TLK2: variants seen among roughly 807,000 people sequenced by gnomAD.
TLK2 encodes the protein serine/threonine-protein kinase tousled-like 2.
In TLK2, 6 loss-of-function variants were observed where a neutral mutation model predicts 117.3. The observed-to-expected ratio is 0.05, with a 90% confidence interval of 0.03 to 0.10. The LOEUF (loss-of-function observed/expected upper bound fraction) is 0.10. Among genes scored for constraint, TLK2 ranks in the 10% least tolerant of loss-of-function variants. TLK2 has a pLI of 1.00. For synonymous variants in TLK2, 257 were observed against 316.7 expected, an observed-to-expected ratio of 0.81 and a Z score of 2.00; for missense variants, 299 against 901.2, an observed-to-expected ratio of 0.33 and a Z score of 8.56.
Position 62,612,377 on chromosome 17 carries a change from A to C in TLK2, c.2080-15A>C, listed in dbSNP as rs778821859. ...AGACTATCTGCCTCTGTCTTCAAGA[A>C]ACTCTCCTTTGCAGGCGTTTATTCG... On this transcript the variant is annotated splice_polypyrimidine_tract_variant and intron_variant, in intron 21 of 21. Coordinates refer to ENST00000346027, the MANE Select transcript of TLK2 (RefSeq NM_006852.6). 3.2e-5 allele frequency: 51 copies of C among 1,610,366 alleles called. No individual in the cohort carries two copies. The highest frequency in any genetic ancestry group is 4.1e-5 in the Non-Finnish European group (48 of 1,177,996).
intron 9 of TLK2, among the ~76,000 whole-genome samples, chr17:62,556,578 T>TTC (rs976298067): frequency 6.6e-6 from 1 of 152,146 alleles, no homozygotes; most frequent in Admixed American, 6.5e-5. Flanking sequence ...ATAACACGCA[T>TTC]TCTCTCTCTC....
At chr17:62,474,718 G>C (rs12943360), upstream of TLK2, among the ~76,000 whole-genome samples, 1 of 151,934 alleles carries the variant, frequency 6.6e-6, no homozygotes, top group Non-Finnish European at 1.5e-5. Context: ...CTAGAAGACG[G>C]AAGTTTGCAT....
intron 8 of TLK2, chr17:62,553,381 G>T: frequency 8.6e-6 from 2 of 233,524 alleles, no homozygotes; most frequent in Non-Finnish European, 8.3e-6. Context: ...CTGGAGTAAC[G>T]TGTTTCTACA....
At chr17:62,607,940 A>C in intron 20 of TLK2, 101 bp from the exon 21 acceptor site, 1 of 963,602 alleles carries the variant, frequency 1.0e-6, no homozygotes, top group South Asian at 1.7e-5. Flanking sequence ...AGCAATTCAA[A>C]TTAGAAGATG....
At chr17:62,552,559 T>G (rs1567905351) in intron 8 of TLK2, among the ~76,000 whole-genome samples, 162 bp downstream of exon 8, 1 of 152,214 alleles carries the variant, frequency 6.6e-6, no homozygotes, top group African/African-American at 2.4e-5. Context: ...GTATTTAAAG[T>G]CCTTTGGAAG....
chr17:62,543,427 C>T (rs2077683824), intron 7 of TLK2, among the ~76,000 whole-genome samples: 1 of 152,198 alleles, frequency 6.6e-6, no homozygotes, highest in African/African-American at 2.4e-5. Context: ...CCAGACTCTT[C>T]CACAGCAGCT....
chr17:62,574,994 GT>G (rs2080662210), intron 12 of TLK2, among the ~76,000 whole-genome samples: 1 of 152,124 alleles, frequency 6.6e-6, no homozygotes, highest in African/African-American at 2.4e-5. Flanking sequence ...TCTGACCAAT[GT>G]TTTCTTTCAT....
intron 2 of TLK2, among the ~76,000 whole-genome samples, chr17:62,512,267 G>T (rs1227548481): frequency 1.6e-5 from 2 of 126,540 alleles, no homozygotes; most frequent in Non-Finnish European, 3.1e-5. Context: ...TATTGCCCAG[G>T]CTGGAGTACA....
At chr17:62,558,437 A>G (rs544969685) in intron 9 of TLK2, among the ~76,000 whole-genome samples, 128 of 152,324 alleles carry the variant, frequency 8.4e-4, no homozygotes, top group African/African-American at 3.0e-3. Context: ...TGCTGGGATT[A>G]TAGGCATGAG....
intron 6 of TLK2, among the ~76,000 whole-genome samples, chr17:62,535,428 G>A (rs1366946964): frequency 7.9e-5 from 12 of 152,092 alleles, no homozygotes; most frequent in Non-Finnish European, 1.5e-5. Flanking sequence ...TCTAAATATA[G>A]TACAGCAAGA....
chr17:62,477,158 C>CA (rs1183301504), upstream of TLK2, among the ~76,000 whole-genome samples: 1 of 152,154 alleles, frequency 6.6e-6, no homozygotes, highest in Non-Finnish European at 1.5e-5. Context: ...TCGTTGGCTG[C>CA]AATTAAAGAC....
intron 16 of TLK2, among the ~76,000 whole-genome samples, chr17:62,591,135 C>T (rs966747400): frequency 2.0e-5 from 3 of 151,960 alleles, no homozygotes; most frequent in Non-Finnish European, 2.9e-5. Flanking sequence ...TGTAATCCCA[C>T]CTACTTGGGA....
intron 7 of TLK2, among the ~76,000 whole-genome samples, chr17:62,542,557 A>G (rs1340714748): frequency 2.0e-5 from 3 of 152,228 alleles, no homozygotes; most frequent in Admixed American, 6.5e-5. Context: ...TTTAACTACA[A>G]TTGAGTCTTT....
At chr17:62,543,681 T>C (rs1424820622) in intron 7 of TLK2, among the ~76,000 whole-genome samples, 1 of 152,232 alleles carries the variant, frequency 6.6e-6, no homozygotes, top group Non-Finnish European at 1.5e-5. Flanking sequence ...TTTTAAATTG[T>C]GTTGCCTTTA....
upstream of TLK2, among the ~76,000 whole-genome samples, chr17:62,476,671 AGAT>A (rs1239949204): frequency 6.6e-6 from 1 of 152,210 alleles, no homozygotes; most frequent in Non-Finnish European, 1.5e-5. Context: ...TGAAAAGGTT[AGAT>A]GATAGGCCCA....
intron 17 of TLK2, 152 bp from the exon 18 acceptor site, chr17:62,600,498 TA>T (rs1377423939): frequency 7.7e-6 from 5 of 647,448 alleles, no homozygotes; most frequent in South Asian, 2.5e-5. Flanking sequence ...ACCCCTCAGC[TA>T]ATACTGAATA....
In TLK2 at chr17:62,580,113, T is replaced by A. The variant is rs1465136038; in HGVS notation, c.1289T>A (p.Phe430Tyr). 1 of 1,612,274 alleles carries A rather than the reference T, an allele frequency of 6.2e-7. No homozygotes were observed. The highest frequency in any genetic ancestry group is 1.1e-5 in the South Asian group (1 of 90,710). ...TTACATGTTCCCTGTTTCCACAGATTTAAAGATCATCCAACGCTAAATGAC... is the reference window on the plus strand; with the variant it reads ...TTACATGTTCCCTGTTTCCACAGATATAAAGATCATCCAACGCTAAATGAC... ...KRIHNEDNSQFKDHPTLNDRY... is the reference protein window; with the variant it reads ...KRIHNEDNSQYKDHPTLNDRY... The change falls in exon 15 of 22, where the codon TTT becomes TAT. Residue 430 changes from phenylalanine to tyrosine, a missense_variant and splice_region_variant. Around this residue, in one of 4 missense-constraint regions of TLK2, gnomAD observed 81 missense variants for 370.9 expected, o/e 0.22. Transcript: ENST00000346027.
intron 7 of TLK2, 39 bp from the exon 8 acceptor site, chr17:62,552,263 C>T (rs772839759): frequency 6.4e-6 from 10 of 1,550,506 alleles, no homozygotes; most frequent in Non-Finnish European, 7.9e-6. Flanking sequence ...GAAAAAGATG[C>T]CAAACTTTCC....
At chr17:62,575,192 T>C (rs2080683796) in intron 12 of TLK2, among the ~76,000 whole-genome samples, 1 of 152,242 alleles carries the variant, frequency 6.6e-6, no homozygotes, top group South Asian at 2.1e-4. Context: ...TGGTGTCCTG[T>C]GTAAAATCCA....
Sources: allele counts gnomAD v4.1 joint callset (sites outside exome capture counted in the v4.1 genomes callset), GRCh38; gene constraint gnomAD v4.1.1; regional missense constraint gnomAD v4.1.1; transcripts MANE v1.5; gene names NCBI Gene and HGNC (gene_info 2026-07-23, HGNC 2026-07-21).